RNF180: variants seen among roughly 807,000 people sequenced by gnomAD.
RNF180 encodes the protein E3 ubiquitin-protein ligase RNF180.
RNF180 carries 38 observed loss-of-function variants against 59.2 expected under a neutral mutation model. That is an observed-to-expected ratio of 0.64 (90% CI 0.50 to 0.84). The LOEUF (loss-of-function observed/expected upper bound fraction) is 0.84. Among genes scored for constraint, RNF180 ranks in the 40% least tolerant of loss-of-function variants. The probability of loss-of-function intolerance (pLI) is 0.00; values close to 1 mark genes in which losing one functional copy is unlikely to be tolerated. For synonymous variants in RNF180, 262 were observed against 240.3 expected (o/e 1.09, Z -0.84); for missense variants, 705 against 700.9 (o/e 1.01, Z -0.07).
At chr5:64,301,639 T>C (rs888455595) in intron 5 of RNF180, among the ~76,000 whole-genome samples, 1 of 151,626 alleles carries the variant, frequency 6.6e-6, no homozygotes, top group Non-Finnish European at 1.5e-5. Flanking sequence ...ACCAAATCAG[T>C]TGGAAATTAA....
intron 1 of RNF180, among the ~76,000 whole-genome samples, chr5:64,186,805 A>G (rs1442909890): frequency 6.6e-6 from 1 of 152,168 alleles, no homozygotes; most frequent in Non-Finnish European, 1.5e-5. Context: ...TCATCATATG[A>G]TGATTTCTGA....
intron 5 of RNF180, among the ~76,000 whole-genome samples, chr5:64,235,756 T>C (rs768717581): frequency 3.3e-5 from 5 of 152,174 alleles, no homozygotes; most frequent in Non-Finnish European, 7.3e-5. Context: ...GCTGTTCTTA[T>C]GATAGTGAGT....
intron 1 of RNF180, among the ~76,000 whole-genome samples, chr5:64,169,319 G>A (rs140202510): frequency 1.0e-3 from 158 of 152,212 alleles, no homozygotes; most frequent in African/African-American, 3.7e-3. Context: ...GGGCATTAAC[G>A]CTACTCTCAG....
At chr5:64,180,142 T>G (rs1393332538) in intron 1 of RNF180, among the ~76,000 whole-genome samples, 1 of 152,216 alleles carries the variant, frequency 6.6e-6, no homozygotes, top group East Asian at 1.9e-4. Flanking sequence ...TGCTTATATT[T>G]GCAGATTTCT....
chr5:64,321,194 G>A (rs947693017), intron 5 of RNF180, among the ~76,000 whole-genome samples: 3 of 152,054 alleles, frequency 2.0e-5, no homozygotes, highest in African/African-American at 7.2e-5. Flanking sequence ...GAAAAAAAAA[G>A]GGTGGGGGGT....
chr5:64,320,992 C>T (rs887708962), intron 5 of RNF180, among the ~76,000 whole-genome samples: 4 of 151,890 alleles, frequency 2.6e-5, no homozygotes, highest in East Asian at 3.9e-4. Context: ...GAGCCGAGAT[C>T]GCGCCACTGC....
intron 1 of RNF180, among the ~76,000 whole-genome samples, chr5:64,176,095 A>G (rs1017604124): frequency 1.3e-5 from 2 of 152,156 alleles, no homozygotes; most frequent in African/African-American, 2.4e-5. Flanking sequence ...TGAAGCCCAC[A>G]AATCCTGGGC....
At chr5:64,322,531 T>G (rs1366030761) in intron 5 of RNF180, among the ~76,000 whole-genome samples, 1 of 151,984 alleles carries the variant, frequency 6.6e-6, no homozygotes, top group Non-Finnish European at 1.5e-5. Flanking sequence ...TAGGAATGCT[T>G]TTACACTGTT....
rs2112626733 is a variant in RNF180 at position 64,371,912 on chromosome 5, T to C, written c.*2098T>C. On this transcript the variant is annotated 3_prime_UTR_variant, in exon 8 of 8. Coordinates refer to ENST00000389100, the MANE Select transcript of RNF180 (RefSeq NM_001113561.2). ...GTTTCTTCTGGTATGTAGCACACAG[T>C]AGCCATTCAAAATAAAATACATGGA... 6.6e-6 allele frequency: 1 copy of C among 151,680 alleles called. No individual in the cohort carries two copies. Among genetic ancestry groups the C allele is most frequent in the South Asian group, 2.1e-4 (1 of 4,818 alleles). The allele number at this position is 151,680 out of a possible 1,614,324, so 9.4% of individuals were successfully genotyped here.
intron 5 of RNF180, among the ~76,000 whole-genome samples, chr5:64,273,358 T>G (rs1741532836): frequency 6.6e-6 from 1 of 151,990 alleles, no homozygotes; most frequent in Non-Finnish European, 1.5e-5. Context: ...AGGACTGCTC[T>G]GCCTGTGAAA....
intron 1 of RNF180, among the ~76,000 whole-genome samples, chr5:64,188,381 A>G (rs960982072): frequency 6.6e-6 from 1 of 152,162 alleles, no homozygotes; most frequent in Non-Finnish European, 1.5e-5. Flanking sequence ...TAATGGTTAC[A>G]AATACATTAT....
chr5:64,199,031 T>C (rs1041078325), intron 1 of RNF180, among the ~76,000 whole-genome samples: 4 of 152,202 alleles, frequency 2.6e-5, no homozygotes, highest in African/African-American at 9.6e-5. Context: ...TTGGCCAGGC[T>C]GGTTTCGAAC....
At chr5:64,214,881 A>T (rs957659716) in intron 4 of RNF180, among the ~76,000 whole-genome samples, 2 of 151,890 alleles carry the variant, frequency 1.3e-5, no homozygotes, top group Admixed American at 6.6e-5. Context: ...TGTTTTTTTT[A>T]AATTTTGGGT....
intron 7 of RNF180, among the ~76,000 whole-genome samples, chr5:64,347,293 C>A (rs1250346578): frequency 3.3e-5 from 5 of 151,980 alleles, no homozygotes; most frequent in African/African-American, 9.7e-5. Flanking sequence ...TGCCTTTTTT[C>A]CAGTCTATAA....
intron 7 of RNF180, among the ~76,000 whole-genome samples, chr5:64,346,359 C>CTTTT (rs1162054033): frequency 1.9e-4 from 8 of 42,946 alleles, no homozygotes; most frequent in Admixed American, 3.0e-4. Context: ...TTCTTTTCTT[C>CTTTT]TTTTTTTTTT....
chr5:64,346,516 C>A (rs1396052974), intron 7 of RNF180, among the ~76,000 whole-genome samples: 1 of 151,650 alleles, frequency 6.6e-6, no homozygotes, highest in Non-Finnish European at 1.5e-5. Context: ...ATTACAGGTG[C>A]CTGCCACCAT....
At chr5:64,291,565 C>T (rs537380171) in intron 5 of RNF180, among the ~76,000 whole-genome samples, 2 of 151,138 alleles carry the variant, frequency 1.3e-5, no homozygotes, top group African/African-American at 4.9e-5. Context: ...GCTGGGACAA[C>T]AAGTGCCCAC....
intron 5 of RNF180, among the ~76,000 whole-genome samples, chr5:64,302,348 C>T (rs1485725514): frequency 5.3e-5 from 8 of 151,428 alleles, no homozygotes; most frequent in South Asian, 2.1e-4. Flanking sequence ...TTTTTTAGTT[C>T]GGATTCTGTT....
At chr5:64,241,846 G>T (rs75777219) in intron 5 of RNF180, among the ~76,000 whole-genome samples, 2,932 of 152,158 alleles carry the variant, frequency 0.019, 98 homozygotes, top group African/African-American at 0.067. Flanking sequence ...TTTTCCTGGG[G>T]GAAAAAGAGG....
Sources: gnomAD v4.1 joint callset for allele counts (sites outside exome capture counted in the v4.1 genomes callset) on GRCh38, gnomAD v4.1.1 for gene constraint, MANE v1.5 for transcripts, NCBI Gene and HGNC (gene_info 2026-07-23, HGNC 2026-07-21) for gene names.